PTPRD: variants seen among roughly 807,000 people sequenced by gnomAD.
PTPRD encodes the protein receptor-type tyrosine-protein phosphatase delta.
PTPRD carries 34 observed loss-of-function variants against 214.5 expected under a neutral mutation model. The ratio of observed to expected loss-of-function variants is 0.16; its 90% CI spans 0.12 to 0.21. The LOEUF is 0.21. Ranked by LOEUF, PTPRD falls within the 10% of genes least tolerant of loss-of-function variation. PTPRD has a pLI of 1.00. For synonymous variants in PTPRD, 1,128 were observed against 845.7 expected (o/e 1.33, Z -5.79); for missense variants, 2,545 against 2,398.7 (o/e 1.06, Z -1.27).
At chr9:10,023,614 T>A (rs902025184) in intron 4 of PTPRD, among the ~76,000 whole-genome samples, 1 of 148,898 alleles carries the variant, frequency 6.7e-6, no homozygotes, top group Non-Finnish European at 1.5e-5. Flanking sequence ...AGAACTTACA[T>A]GGAACTATTT....
rs374017038 is a variant in PTPRD at position 9,967,653 on chromosome 9, T to C, written c.-471-29043A>G. On this transcript the variant is annotated intron_variant, in intron 4 of 45. Transcript: ENST00000381196. ...TGAAGTCATAGAGAATTAAAAGTTG[T>C]ATTAGGATTAAAACAGAAAATGAGA... Among the ~76,000 whole-genome samples the C allele has an allele frequency of 1.5e-3, 233 of 152,308 alleles. 6 individuals are homozygous for C. In the South Asian group the frequency reaches 0.047, roughly 31 times the overall value.
intron 8 of PTPRD, among the ~76,000 whole-genome samples, chr9:9,568,361 T>C (rs2085256313): frequency 6.6e-6 from 1 of 151,850 alleles, no homozygotes; most frequent in Non-Finnish European, 1.5e-5. Context: ...ATAAGCAGAA[T>C]CAGGCTTCCT....
At chr9:10,585,359 T>C (rs567656180) in intron 2 of PTPRD, among the ~76,000 whole-genome samples, 75 of 152,226 alleles carry the variant, frequency 4.9e-4, no homozygotes, top group South Asian at 2.7e-3. Context: ...ACCTTTTACA[T>C]GCTCTTCTAA....
intron 3 of PTPRD, among the ~76,000 whole-genome samples, chr9:10,088,085 C>T (rs1019200507): frequency 3.3e-5 from 5 of 151,708 alleles, no homozygotes; most frequent in Non-Finnish European, 7.4e-5. Flanking sequence ...CACGAATTTA[C>T]TTATTCAACT....
intron 2 of PTPRD, among the ~76,000 whole-genome samples, chr9:10,506,088 C>G (rs2045865349): frequency 6.6e-6 from 1 of 152,028 alleles, no homozygotes; most frequent in Admixed American, 6.6e-5. Context: ...TTATTGATTG[C>G]AAGTGGCAAT....
chr9:9,996,624 A>C (rs1165039658), intron 4 of PTPRD, among the ~76,000 whole-genome samples: 2 of 152,192 alleles, frequency 1.3e-5, no homozygotes, highest in Non-Finnish European at 2.9e-5. Flanking sequence ...TAAGTATTGA[A>C]GTTGTGCTGT....
intron 8 of PTPRD, among the ~76,000 whole-genome samples, chr9:9,487,548 T>C (rs1298947507): frequency 2.2e-5 from 3 of 136,962 alleles, no homozygotes; most frequent in African/African-American, 8.1e-5. Flanking sequence ...TATAGCAGCA[T>C]GATTCATTTT....
intron 3 of PTPRD, among the ~76,000 whole-genome samples, chr9:10,160,416 C>T (rs920050554): frequency 6.6e-6 from 1 of 151,948 alleles, no homozygotes; most frequent in Admixed American, 6.6e-5. Flanking sequence ...TTTTACCCAA[C>T]CTTTCAAGAA....
intron 7 of PTPRD, among the ~76,000 whole-genome samples, chr9:9,731,183 AT>A (rs904595583): frequency 1.3e-5 from 2 of 151,888 alleles, no homozygotes; most frequent in East Asian, 3.9e-4. Context: ...CAGAGTAAAT[AT>A]TTTTTTTACT....
intron 9 of PTPRD, among the ~76,000 whole-genome samples, chr9:9,340,294 G>A (rs1238721186): frequency 6.6e-6 from 1 of 152,072 alleles, no homozygotes; most frequent in African/African-American, 2.4e-5. Context: ...TATAAGATAT[G>A]GAATGAAATC....
chr9:9,766,735 T>G (rs994624187), intron 6 of PTPRD, 75 bp downstream of exon 6: 1 of 152,576 alleles, frequency 6.6e-6, no homozygotes, highest in South Asian at 2.1e-4. Context: ...CATGCAACAG[T>G]AATATAATTA....
intron 10 of PTPRD, among the ~76,000 whole-genome samples, chr9:9,126,531 G>C (rs1389665814): frequency 1.3e-5 from 2 of 152,084 alleles, no homozygotes; most frequent in African/African-American, 2.4e-5. Flanking sequence ...CAAAAAGTTA[G>C]AAAAACTTCT....
intron 30 of PTPRD, among the ~76,000 whole-genome samples, chr9:8,481,777 C>CTGTTT (rs113860606): frequency 0.33 from 49,305 of 151,302 alleles, 8,222 homozygotes; most frequent in African/African-American, 0.42. Context: ...TATCTATAAT[C>CTGTTT]TGTTTTGTTT....
intron 12 of PTPRD, among the ~76,000 whole-genome samples, chr9:8,676,920 C>A (rs2097433123): frequency 6.6e-6 from 1 of 152,104 alleles, no homozygotes; most frequent in Non-Finnish European, 1.5e-5. Flanking sequence ...GAGTGCTTGG[C>A]ACACAGTAGG....
intron 10 of PTPRD, among the ~76,000 whole-genome samples, chr9:9,115,918 A>G (rs2099811934): frequency 6.6e-6 from 1 of 152,190 alleles, no homozygotes; most frequent in African/African-American, 2.4e-5. Flanking sequence ...TATCCTTTGC[A>G]GCAACATGTG....
At position 8,500,892 on chromosome 9, in the gene PTPRD, C is replaced by A. The variant is rs184665510; in HGVS notation, c.1990G>T (p.Gly664Ter). The A allele has an allele frequency of 1.2e-6, 2 of 1,614,068 alleles. No individual in the cohort carries two copies. The highest frequency in any genetic ancestry group is 1.7e-6 in the Non-Finnish European group (2 of 1,179,994). ...GEDDKPHEIL[G>*]IPSDTTKYLL... ...TATTTGGTAGTGTCCGAAGGAATTC[C>A]CAAAATCTCGTGAGGCTTGTCATCT... The change falls in exon 24 of 46, where the codon GGA becomes TGA. Residue 664 changes from glycine to a stop codon, truncating the protein, a stop_gained. Transcript: ENST00000381196. LOFTEE classifies it high-confidence loss of function.
chr9:9,705,101 A>G (rs1404434310), intron 7 of PTPRD, among the ~76,000 whole-genome samples: 2 of 152,156 alleles, frequency 1.3e-5, no homozygotes, highest in Non-Finnish European at 2.9e-5. Flanking sequence ...CACTACACAG[A>G]GCACTTCACG....
intron 14 of PTPRD, among the ~76,000 whole-genome samples, chr9:8,582,922 A>G (rs2093309542): frequency 6.6e-6 from 1 of 152,234 alleles, no homozygotes; most frequent in African/African-American, 2.4e-5. Flanking sequence ...TTAGGTAAAT[A>G]AAGAGGTATG....
intron 12 of PTPRD, among the ~76,000 whole-genome samples, chr9:8,674,891 C>A (rs1444358180): frequency 6.6e-6 from 1 of 152,052 alleles, no homozygotes; most frequent in Non-Finnish European, 1.5e-5. Flanking sequence ...CTAAACTAGC[C>A]AAGGTCCTCC....
Sources: gnomAD v4.1 joint callset for allele counts (sites outside exome capture counted in the v4.1 genomes callset) on GRCh38, gnomAD v4.1.1 for gene constraint, MANE v1.5 for transcripts, NCBI Gene and HGNC (gene_info 2026-07-23, HGNC 2026-07-21) for gene names.